The following RFX4 variants were observed in gnomAD, a reference collection of about 807,000 sequenced individuals.
RFX4 encodes the protein transcription factor RFX4.
RFX4 carries 10 observed loss-of-function variants against 95.0 expected under a neutral mutation model. The observed-to-expected ratio is 0.11, with a 90% CI of 0.06 to 0.18. The LOEUF is 0.18. RFX4 is among the 10% of genes least tolerant of loss of function. The pLI, the probability that RFX4 is intolerant of heterozygous loss-of-function variation, is 1.00. For synonymous variants in RFX4, 321 were observed against 340.7 expected (o/e 0.94, Z 0.64); for missense variants, 640 against 922.0 (o/e 0.69, Z 3.96).
At position 106,745,907 on chromosome 12, in the gene RFX4, A is replaced by C. The variant is rs115980644; in HGVS notation, c.1634-1530A>C. 8.3e-3 allele frequency among the ~76,000 whole-genome samples: 1,262 copies of C among 152,320 alleles called. 17 individuals are homozygous for C. Among genetic ancestry groups the C allele is most frequent in the African/African-American group, 0.029 (1,191 of 41,576 alleles). ...GTTGTCTGATGAGTTTAGTATTGCT[A>C]TTAATGATTTATCAAATTATCATTA... On this transcript the variant is annotated intron_variant, in intron 15 of 17. Transcript: ENST00000392842.
intron 8 of RFX4, among the ~76,000 whole-genome samples, chr12:106,707,753 G>C (rs1457630669): frequency 2.0e-5 from 3 of 152,166 alleles, no homozygotes; most frequent in Non-Finnish European, 2.9e-5. Flanking sequence ...AAGGGCAGTG[G>C]CTCAAGGAGA....
chr12:106,754,245 C>T (rs1377928681), intron 17 of RFX4, among the ~76,000 whole-genome samples: 1 of 152,216 alleles, frequency 6.6e-6, no homozygotes, highest in Non-Finnish European at 1.5e-5. Flanking sequence ...CACAGAGATG[C>T]CAGCTCCTTA....
intron 2 of RFX4, among the ~76,000 whole-genome samples, chr12:106,618,945 G>T (rs1036937744): frequency 2.6e-5 from 4 of 151,878 alleles, no homozygotes; most frequent in African/African-American, 9.7e-5. Flanking sequence ...ATGCATTTTT[G>T]CATTCTTCAC....
chr12:106,661,966 T>G (rs1330417876), intron 4 of RFX4, among the ~76,000 whole-genome samples: 1 of 151,822 alleles, frequency 6.6e-6, no homozygotes, highest in African/African-American at 2.4e-5. Context: ...ACCTACTTAC[T>G]GAAGGATATT....
In RFX4 at chr12:106,592,647, C is replaced by T. The variant is rs549402540; in HGVS notation, c.43+9284C>T. Among the ~76,000 whole-genome samples, 7 of 151,386 alleles carry T rather than the reference C, an allele frequency of 4.6e-5. No individual in the cohort carries two copies. In the East Asian group the frequency reaches 1.4e-3, roughly 29 times the overall value. The stretch of plus-strand genomic sequence containing the variant: ...CCAGCCCCCTCAACCACCCAACCCT[C>T]TTATGTTTTTAGGCATCACTGTTTT... On this transcript the variant is annotated intron_variant, in intron 1 of 17. Transcript: ENST00000392842.
Position 106,625,855 on chromosome 12 carries a change from T to G in RFX4, c.131-13477T>G, listed in dbSNP as rs1004543316. Among the ~76,000 whole-genome samples, 3 of 152,300 alleles carry G rather than the reference T, an allele frequency of 2.0e-5. No homozygotes were observed. The South Asian group carries it at 6.2e-4, about 32-fold the overall frequency. On this transcript the variant is annotated intron_variant, in intron 2 of 17. Coordinates refer to ENST00000392842, the MANE Select transcript of RFX4 (RefSeq NM_213594.3). ...GTATTTTTTCTCCCCATTTTACAGA[T>G]GAAGAAACTGAGATTCAGAGATTAT...
At chr12:106,700,641 C>T (rs1237920132) in intron 8 of RFX4, among the ~76,000 whole-genome samples, 1 of 150,738 alleles carries the variant, frequency 6.6e-6, no homozygotes, top group African/African-American at 2.4e-5. Flanking sequence ...CTCCTGACCT[C>T]GTGATCCGCC....
intron 3 of RFX4, chr12:106,646,040 G>A (rs553676236): frequency 7.8e-6 from 7 of 901,222 alleles, no homozygotes; most frequent in South Asian, 5.6e-5. Context: ...ATTTTGTGCT[G>A]TGGGTAAATG....
chr12:106,737,520 A>C (rs111952260), intron 15 of RFX4, among the ~76,000 whole-genome samples: 22 of 152,130 alleles, frequency 1.4e-4, no homozygotes, highest in African/African-American at 4.8e-4. Flanking sequence ...GAGGCAAGAG[A>C]GAGCATGTTA....
intron 16 of RFX4, among the ~76,000 whole-genome samples, chr12:106,749,520 C>T (rs1048380802): frequency 6.6e-6 from 1 of 152,024 alleles, no homozygotes; most frequent in Admixed American, 6.6e-5. Flanking sequence ...TCTCAGGGGG[C>T]CTTTGAGAGT....
chr12:106,684,898 A>G (rs1390479615), intron 5 of RFX4: 2 of 1,613,494 alleles, frequency 1.2e-6, no homozygotes, highest in Admixed American at 1.7e-5. Context: ...AAGCAGAAAT[A>G]TCACGGAATG....
At chr12:106,687,230 A>G in intron 6 of RFX4, 133 bp downstream of exon 6, 1 of 761,228 alleles carries the variant, frequency 1.3e-6, no homozygotes, top group South Asian at 1.8e-5. Flanking sequence ...ACACACATTT[A>G]TTGCAAAACC....
intron 15 of RFX4, among the ~76,000 whole-genome samples, chr12:106,737,671 G>A (rs1266604902): frequency 6.6e-6 from 1 of 152,158 alleles, no homozygotes; most frequent in Non-Finnish European, 1.5e-5. Context: ...GCTATCTTGT[G>A]TACTAGTCAA....
intron 8 of RFX4, among the ~76,000 whole-genome samples, chr12:106,697,718 C>A (rs1484181244): frequency 1.3e-5 from 2 of 152,018 alleles, no homozygotes; most frequent in Non-Finnish European, 2.9e-5. Context: ...TCTGCCTCCA[C>A]CTTCACAGTG....
chr12:106,712,056 T>G (rs956599786), intron 10 of RFX4, among the ~76,000 whole-genome samples: 9 of 152,210 alleles, frequency 5.9e-5, no homozygotes, highest in Admixed American at 2.6e-4. Context: ...ACATTTCTAT[T>G]AATTTTGCAC....
chr12:106,712,191 G>C (rs2042204101), intron 10 of RFX4, among the ~76,000 whole-genome samples: 1 of 152,248 alleles, frequency 6.6e-6, no homozygotes, highest in Non-Finnish European at 1.5e-5. Flanking sequence ...GATATGTGGG[G>C]TTATTGTTGT....
intron 6 of RFX4, 132 bp from the exon 7 acceptor site, chr12:106,689,155 A>G: frequency 1.3e-6 from 1 of 776,448 alleles, no homozygotes; most frequent in South Asian, 1.4e-5. Flanking sequence ...TGGGTCTGGT[A>G]GGCTGAGCCG....
chr12:106,654,293 A>G lies in RFX4; in HGVS notation c.257A>G (p.Tyr86Cys). 6.2e-7 allele frequency: 1 copy of G among 1,614,056 alleles called. No individual in the cohort carries two copies. The highest frequency in any genetic ancestry group is 8.5e-7 in the Non-Finnish European group (1 of 1,179,972). ...CIPRSALYMH[Y>C]LDFCEKNDTQ... ...CCTCGCAGTGCCCTCTATATGCATT[A>G]CCTGGATTTCTGCGAGAAGAATGAT... The change falls in exon 4 of 18, where the codon TAC becomes TGC. Residue 86 changes from tyrosine (Y) to cysteine (C), a missense_variant. Tyr to Cys is a radical substitution (Grantham distance 194). Transcript: ENST00000392842.
intron 2 of RFX4, among the ~76,000 whole-genome samples, chr12:106,631,837 G>A (rs1354625479): frequency 6.6e-6 from 1 of 152,218 alleles, no homozygotes; most frequent in Middle Eastern, 3.2e-3. Context: ...AGCAGTCAGG[G>A]TGCTGAGGCA....
Sources: gnomAD v4.1 joint callset for allele counts (sites outside exome capture counted in the v4.1 genomes callset) on GRCh38, gnomAD v4.1.1 for gene constraint, MANE v1.5 for transcripts, NCBI Gene and HGNC (gene_info 2026-07-23, HGNC 2026-07-21) for gene names.